Variants in SH2D7 observed in about 807,000 individuals in gnomAD.
The protein encoded by SH2D7 is SH2 domain containing 7, also known as SH2 domain-containing protein 7.
In SH2D7, 32 loss-of-function variants were observed where a neutral mutation model predicts 40.8. The ratio of observed to expected loss-of-function variants is 0.78; its 90% confidence interval spans 0.59 to 1.05. The LOEUF (loss-of-function observed/expected upper bound fraction) is 1.05. SH2D7 is among the 50% of genes least tolerant of loss of function. The pLI, the probability that SH2D7 is intolerant of heterozygous loss-of-function variation, is 0.00. For synonymous variants in SH2D7, 195 were observed against 221.5 expected (o/e 0.88, Z 1.06); for missense variants, 559 against 566.6 (o/e 0.99, Z 0.14).
chr15:78,093,650 C>T (rs900637201), intron 1 of SH2D7, among the ~76,000 whole-genome samples: 1 of 152,260 alleles, frequency 6.6e-6, no homozygotes, highest in African/African-American at 2.4e-5. Flanking sequence ...GCTTCAGACA[C>T]AGCAGCATCT....
rs773456166 is a variant in SH2D7 at position 78,092,757 on chromosome 15, G to A, written c.173G>A (p.Arg58His). ...LPPWFHGFIT[R>H]KQTEQLLRDK... Reference sequence around the variant, plus strand: ...CCCTGGTTTCATGGATTCATCACCCGCAAGTAAGGCTGCTTCTACCCACAG... The same window carrying A: ...CCCTGGTTTCATGGATTCATCACCCACAAGTAAGGCTGCTTCTACCCACAG... Residue 58 changes from arginine to histidine, a missense_variant, in exon 1 of 6, where the codon CGC becomes CAC. Physicochemically the swap from Arg to His is conservative, Grantham distance 29. Coordinates refer to ENST00000328828, the MANE Select transcript of SH2D7 (RefSeq NM_001101404.2). 3 of 1,606,324 alleles carry A rather than the reference G, an allele frequency of 1.9e-6. No individual in the cohort carries two copies. The highest frequency in any genetic ancestry group is 2.2e-5 in the South Asian group (2 of 89,664).
chr15:78,103,680 C>A lies in SH2D7; in HGVS notation c.*165C>A. On this transcript the variant is annotated 3_prime_UTR_variant, in exon 6 of 6. Transcript: ENST00000328828. The stretch of plus-strand genomic sequence containing the variant: ...GACAGCCGAGGTGCCTGCCTGAGAG[C>A]AGGTGGAAGAGGACCTTGCAGGTGC... 1.2e-6 allele frequency: 1 copy of A among 817,722 alleles called. No individual in the cohort carries two copies. The highest frequency in any genetic ancestry group is 2.7e-5 in the Admixed American group (1 of 36,614). 50.7% of individuals were successfully genotyped at this position (817,722 alleles called of 1,614,324 possible).
At chr15:78,094,852 T>A (rs1364952914) in intron 2 of SH2D7, among the ~76,000 whole-genome samples, 1 of 152,066 alleles carries the variant, frequency 6.6e-6, no homozygotes, top group African/African-American at 2.4e-5. Context: ...AGGTCTAGGC[T>A]AGGGTAAGAC....
intron 4 of SH2D7, among the ~76,000 whole-genome samples, chr15:78,099,231 G>T (rs1007014800): frequency 3.9e-5 from 6 of 152,104 alleles, no homozygotes; most frequent in African/African-American, 1.4e-4. Flanking sequence ...TGGCCAGGCT[G>T]GTCTTGAACT....
At chr15:78,096,071 G>A (rs2073970569) in intron 2 of SH2D7, among the ~76,000 whole-genome samples, 1 of 152,088 alleles carries the variant, frequency 6.6e-6, no homozygotes, top group South Asian at 2.1e-4. Flanking sequence ...TCAATCTCCT[G>A]ACCTTGGGTG....
upstream of SH2D7, among the ~76,000 whole-genome samples, chr15:78,090,856 A>G (rs1292556087): frequency 2.0e-5 from 3 of 152,174 alleles, no homozygotes; most frequent in African/African-American, 4.8e-5. Flanking sequence ...GAAGTAGAAC[A>G]TAGACATAGA....
At chr15:78,101,841 G>A (rs1567045605) in intron 5 of SH2D7, among the ~76,000 whole-genome samples, 1 of 152,164 alleles carries the variant, frequency 6.6e-6, no homozygotes, top group Admixed American at 6.5e-5. Flanking sequence ...CTCTGCAGGG[G>A]TCTTAGCGCC....
In SH2D7 at chr15:78,103,767, G is replaced by A. The variant is rs868557625; in HGVS notation, c.*252G>A. On this transcript the variant is annotated 3_prime_UTR_variant, in exon 6 of 6. Coordinates refer to ENST00000328828, the MANE Select transcript of SH2D7 (RefSeq NM_001101404.2). ...TCCCATCCATGCACAGGAGGGACTGGAGAGGAATGAGATTGGCCAAAGGCA... is the reference window on the plus strand; with the variant it reads ...TCCCATCCATGCACAGGAGGGACTGAAGAGGAATGAGATTGGCCAAAGGCA... The A allele has an allele frequency of 4.0e-6, 2 of 505,046 alleles. No individual in the cohort carries two copies. The highest frequency in any genetic ancestry group is 4.2e-4 in the Middle Eastern group (1 of 2,356). 31.3% of individuals were successfully genotyped at this position (505,046 alleles called of 1,614,324 possible). A position where few individuals can be genotyped will look rare whatever the true frequency, so the allele number is the denominator to read the frequency against.
At position 78,101,307 on chromosome 15, in the gene SH2D7, G is replaced by A. The variant is rs1294340825; in HGVS notation, c.1054G>A (p.Glu352Lys). Residue 352 changes from glutamate to lysine, a missense_variant, in exon 5 of 6, where the codon GAG becomes AAG. Coordinates refer to ENST00000328828, the MANE Select transcript of SH2D7 (RefSeq NM_001101404.2). ...CCAGGGCAGCTCTGCAGATATCTAT[G>A]AGTTCATCGGGACAGAAGGCCTCCT... is the stretch of plus-strand genomic sequence containing the variant. ...CSQGSSADIY[E>K]FIGTEGLLQE... The A allele has an allele frequency of 6.2e-7, 1 of 1,613,032 alleles. No homozygotes were observed. The highest frequency in any genetic ancestry group is 2.2e-5 in the East Asian group (1 of 44,852).
rs760049871 is a variant in SH2D7 at position 78,092,779 on chromosome 15, A to C, written c.176+19A>C. On this transcript the variant is annotated intron_variant, in intron 1 of 5. Coordinates refer to ENST00000328828, the MANE Select transcript of SH2D7 (RefSeq NM_001101404.2). ...CCCGCAAGTAAGGCTGCTTCTACCCACAGGTCCCTCATAGCCCACAGCCCC... is the reference window on the plus strand; with the variant it reads ...CCCGCAAGTAAGGCTGCTTCTACCCCCAGGTCCCTCATAGCCCACAGCCCC... 1.4e-5 allele frequency: 22 copies of C among 1,599,302 alleles called. No individual in the cohort carries two copies. The African/African-American group carries it at 2.3e-4, about 17-fold the overall frequency.
chr15:78,098,666 C>G, intron 4 of SH2D7, 70 bp downstream of exon 4: 1 of 1,520,272 alleles, frequency 6.6e-7, no homozygotes, highest in South Asian at 1.2e-5. Context: ...TGCTCCCAGT[C>G]AGACCCTGAG....
In SH2D7 at chr15:78,103,552, G is replaced by A; in HGVS notation, c.*37G>A. The A allele has an allele frequency of 6.4e-7, 1 of 1,554,406 alleles. No individual in the cohort carries two copies. On this transcript the variant is annotated 3_prime_UTR_variant, in exon 6 of 6. Transcript: ENST00000328828. ...CCGGCAGCCCACCAGTGGGTTTCCT[G>A]GTACCCAGGCCATGCCAGGGGTTAT...
In SH2D7 at chr15:78,103,881, T is replaced by C. The variant is rs1481364558; in HGVS notation, c.*366T>C. 5 of 224,742 alleles carry C rather than the reference T, an allele frequency of 2.2e-5. No homozygotes were observed. Among genetic ancestry groups the C allele is most frequent in the Middle Eastern group, 1.6e-3 (1 of 638 alleles). The allele number at this position is 224,742 out of a possible 1,614,324, so 13.9% of individuals were successfully genotyped here. On this transcript the variant is annotated 3_prime_UTR_variant, in exon 6 of 6. Transcript: ENST00000328828. ...CTCCCACTACTGAGCACTTACCGAA[T>C]GTGTGGCAGGCTGTGTGCTAGCACA...
At position 78,092,634 on chromosome 15, in the gene SH2D7, C is replaced by T. The variant is rs1325869941; in HGVS notation, c.50C>T (p.Ala17Val). ...QLSLGRDPEG[A>V]GDSQALAELQ... ...AGCCTGGGGAGAGATCCTGAGGGGG[C>T]AGGGGACAGCCAGGCCCTGGCTGAG... The change falls in exon 1 of 6, where the codon GCA becomes GTA. Residue 17 changes from alanine (A) to valine (V), a missense_variant. By Grantham distance (64) the Ala-to-Val change is moderately conservative (BLOSUM62 0). Coordinates refer to ENST00000328828, the MANE Select transcript of SH2D7 (RefSeq NM_001101404.2). 1 of 1,557,916 alleles carries T rather than the reference C, an allele frequency of 6.4e-7. No homozygotes were observed. The highest frequency in any genetic ancestry group is 8.7e-7 in the Non-Finnish European group (1 of 1,150,820).
At chr15:78,097,764 C>T (rs1434092075) in intron 2 of SH2D7, among the ~76,000 whole-genome samples, 165 bp from the exon 3 acceptor site, 1 of 152,100 alleles carries the variant, frequency 6.6e-6, no homozygotes, top group Non-Finnish European at 1.5e-5. Flanking sequence ...TCCTGATGAA[C>T]ACACCATGGC....
rs1386341129 is a variant in SH2D7 at position 78,101,320 on chromosome 15, C to A, written c.1067C>A (p.Thr356Lys). Residue 356 changes from threonine to lysine, a missense_variant, in exon 5 of 6, where the codon ACA (threonine) becomes AAA (lysine). By Grantham distance (78) the Thr-to-Lys change is moderately conservative. Coordinates refer to ENST00000328828, the MANE Select transcript of SH2D7 (RefSeq NM_001101404.2). ...SSADIYEFIG[T>K]EGLLQEARDT... The stretch of plus-strand genomic sequence containing the variant: ...GCAGATATCTATGAGTTCATCGGGA[C>A]AGAAGGCCTCCTGCAAGAGGCCAGG... The A allele has an allele frequency of 2.0e-5, 32 of 1,613,030 alleles. No individual in the cohort carries two copies. The highest frequency in any genetic ancestry group is 2.5e-5 in the Non-Finnish European group (29 of 1,179,650).
chr15:78,097,795 C>A, intron 2 of SH2D7, 134 bp from the exon 3 acceptor site: 1 of 1,137,118 alleles, frequency 8.8e-7, no homozygotes, highest in African/African-American at 1.6e-5. Context: ...GTACAGTGGC[C>A]CCAGGTCAGG....
At chr15:78,095,535 C>T (rs1037716404) in intron 2 of SH2D7, among the ~76,000 whole-genome samples, 1 of 152,120 alleles carries the variant, frequency 6.6e-6, no homozygotes, top group East Asian at 1.9e-4. Flanking sequence ...ACTGCAATTC[C>T]GTGGGGGAAA....
At chr15:78,102,136 A>G (rs1306904475) in intron 5 of SH2D7, among the ~76,000 whole-genome samples, 1 of 152,084 alleles carries the variant, frequency 6.6e-6, no homozygotes, top group Admixed American at 6.5e-5. Flanking sequence ...AGTCTCAGCT[A>G]CCTGGGGGGC....
Sources: gnomAD v4.1 joint callset for allele counts (sites outside exome capture counted in the v4.1 genomes callset) on GRCh38, gnomAD v4.1.1 for gene constraint, MANE v1.5 for transcripts, NCBI Gene and HGNC (gene_info 2026-07-23, HGNC 2026-07-21) for gene names.